The following CCDC7 variants were observed in gnomAD, a reference collection of about 807,000 sequenced individuals.
CCDC7 encodes coiled-coil domain-containing protein 7.
CCDC7 carries 183 observed loss-of-function variants against 196.9 expected under a neutral mutation model. That is an observed-to-expected ratio of 0.93 (90% CI 0.82 to 1.05). CCDC7 has a LOEUF of 1.05. Among genes scored for constraint, CCDC7 ranks in the 50% least tolerant of loss-of-function variants. The pLI, the probability that CCDC7 is intolerant of heterozygous loss-of-function variation, is 0.00. For missense variants in CCDC7, 1,540 were observed against 1,482.2 expected (o/e 1.04, Z -0.64); for synonymous variants, 525 against 484.6 (o/e 1.08, Z -1.10).
In CCDC7 at chr10:32,849,114, G is replaced by T. The variant is rs867532082; in HGVS notation, c.3895+396G>T. On this transcript the variant is annotated intron_variant, in intron 39 of 41. Transcript: ENST00000639629. ...TCTGCAATATGGATTGCTGGGTTTT[G>T]TTTTTTTTTTTTCATTTATACCCAT... Among the ~76,000 whole-genome samples the T allele has an allele frequency of 9.0e-3, 1,144 of 127,792 alleles. 11 individuals carry two copies. The highest frequency in any genetic ancestry group is 0.023 in the African/African-American group (848 of 36,516). 83.8% of individuals were successfully genotyped at this position (127,792 alleles called of 152,430 possible). A position where few individuals can be genotyped will look rare whatever the true frequency, so the allele number is the denominator to read the frequency against.
chr10:32,550,234 G>A (rs2053240929), intron 13 of CCDC7, among the ~76,000 whole-genome samples: 1 of 151,398 alleles, frequency 6.6e-6, no homozygotes, highest in Non-Finnish European at 1.5e-5. Flanking sequence ...GTGTATAGAA[G>A]AGTTACTGAT....
chr10:32,880,175 A>G (rs778386008), downstream of CCDC7, among the ~76,000 whole-genome samples: 10 of 152,168 alleles, frequency 6.6e-5, no homozygotes, highest in African/African-American at 1.2e-4. Context: ...CCAGCAGTGT[A>G]AAAGTGTTCC....
chr10:32,532,881 C>T (rs555554139), intron 11 of CCDC7, among the ~76,000 whole-genome samples: 10 of 151,916 alleles, frequency 6.6e-5, no homozygotes, highest in African/African-American at 1.7e-4. Context: ...TTGGGAGCAG[C>T]GTATCATTGA....
intron 9 of CCDC7, among the ~76,000 whole-genome samples, chr10:32,493,010 A>G (rs938446397): frequency 6.6e-6 from 1 of 152,050 alleles, no homozygotes; most frequent in Non-Finnish European, 1.5e-5. Flanking sequence ...TTATATGTAC[A>G]TACCTTGTGG....
intron 16 of CCDC7, among the ~76,000 whole-genome samples, chr10:32,582,185 A>G (rs1331599851): frequency 7.0e-6 from 1 of 142,080 alleles, no homozygotes; most frequent in East Asian, 2.1e-4. Flanking sequence ...CCCCTTTTTT[A>G]TAACCCAAAC....
At position 32,555,249 on chromosome 10, in the gene CCDC7, ATT is replaced by A. The variant is rs35124238; in HGVS notation, c.1135-10295_1135-10294del. Reference sequence around the variant, plus strand: ...GGATTATATGTTAGTTCTATTTTTAATTTTTTTTTTTTTTTGAGATGGAGTCT... The same window carrying A: ...GGATTATATGTTAGTTCTATTTTTAATTTTTTTTTTTTTGAGATGGAGTCT... On this transcript the variant is annotated intron_variant, in intron 13 of 41. Transcript: ENST00000639629. Among the ~76,000 whole-genome samples, 107 of 142,948 alleles carry A rather than the reference ATT, an allele frequency of 7.5e-4. 2 individuals are homozygous for A. The East Asian group carries it at 0.019, about 25-fold the overall frequency. 93.8% of individuals were successfully genotyped at this position (142,948 alleles called of 152,430 possible). A position where few individuals can be genotyped will look rare whatever the true frequency, so the allele number is the denominator to read the frequency against.
At chr10:32,629,177 C>T (rs1345448981) in intron 18 of CCDC7, among the ~76,000 whole-genome samples, 4 of 152,016 alleles carry the variant, frequency 2.6e-5, no homozygotes, top group East Asian at 1.9e-4. Flanking sequence ...TTAGGTTCTC[C>T]GGTATTTACA....
At chr10:32,661,646 G>A (rs2071473952) in intron 20 of CCDC7, among the ~76,000 whole-genome samples, 1 of 152,098 alleles carries the variant, frequency 6.6e-6, no homozygotes, top group East Asian at 1.9e-4. Context: ...GTTCCCTTTT[G>A]GCCCAGGATG....
chr10:32,512,506 G>T (rs1030418076), intron 9 of CCDC7: 1 of 152,150 alleles, frequency 6.6e-6, no homozygotes, highest in African/African-American at 2.4e-5. Flanking sequence ...GCATAGGCAA[G>T]GCAAAGGCAT....
chr10:32,592,696 C>T (rs961156196), intron 18 of CCDC7, among the ~76,000 whole-genome samples: 1 of 152,144 alleles, frequency 6.6e-6, no homozygotes, highest in African/African-American at 2.4e-5. Context: ...CTATCCCTCC[C>T]TGCTCCCCAC....
chr10:32,610,789 A>G (rs1052963991), intron 18 of CCDC7, among the ~76,000 whole-genome samples: 2 of 152,180 alleles, frequency 1.3e-5, no homozygotes, highest in Non-Finnish European at 1.5e-5. Flanking sequence ...TCCATGGTGT[A>G]TATGTGCCAC....
At chr10:32,661,780 C>T (rs892682397) in intron 20 of CCDC7, among the ~76,000 whole-genome samples, 2 of 152,160 alleles carry the variant, frequency 1.3e-5, no homozygotes, top group East Asian at 1.9e-4. Context: ...TTTATTCATC[C>T]CTCTCTTCTC....
rs934630052 is a variant in CCDC7, at chr10:32,540,052, A to G, written c.994-3248A>G. 5.3e-5 allele frequency among the ~76,000 whole-genome samples: 8 copies of G among 150,230 alleles called. No individual in the cohort carries two copies. The South Asian group carries it at 1.5e-3, about 28-fold the overall frequency. On this transcript the variant is annotated intron_variant, in intron 11 of 41. Transcript: ENST00000639629. Reference sequence around the variant, plus strand: ...AGTCAAGTGTTGAGTTTAGGTGCTGAATATCTTTGTTTATTTTCTGCCTCA... The same window carrying G: ...AGTCAAGTGTTGAGTTTAGGTGCTGGATATCTTTGTTTATTTTCTGCCTCA...
chr10:32,764,333 C>A (rs2077928677), intron 28 of CCDC7, among the ~76,000 whole-genome samples: 1 of 151,390 alleles, frequency 6.6e-6, no homozygotes, highest in South Asian at 2.1e-4. Flanking sequence ...CATAATTTTT[C>A]TAATTTATTT....
At chr10:32,778,771 T>C (rs944434168) in intron 28 of CCDC7, among the ~76,000 whole-genome samples, 1 of 152,238 alleles carries the variant, frequency 6.6e-6, no homozygotes, top group African/African-American at 2.4e-5. Context: ...CTTTGGGCAG[T>C]ATGGCCATTT....
intron 16 of CCDC7, among the ~76,000 whole-genome samples, chr10:32,573,253 G>A (rs764033433): frequency 1.7e-4 from 26 of 152,188 alleles, no homozygotes; most frequent in Non-Finnish European, 3.1e-4. Context: ...TCATGGTGAC[G>A]TATAGCCTTT....
chr10:32,845,788 C>CAG (rs1565689393), intron 35 of CCDC7, 88 bp from the exon 37 acceptor site: 1 of 1,123,506 alleles, frequency 8.9e-7, no homozygotes, highest in Admixed American at 1.8e-5. Flanking sequence ...CACACACACA[C>CAG]ACACACATAC....
chr10:32,543,347 G>A (rs1476703571), exon 12 of CCDC7: 3 of 1,452,670 alleles, frequency 2.1e-6, no homozygotes, highest in Middle Eastern at 1.8e-4. Flanking sequence ...TGAAAACAGT[G>A]AAGAAAAAAG....
At chr10:32,717,542 GGAGA>G (rs1400450019) in intron 25 of CCDC7, among the ~76,000 whole-genome samples, 4 of 152,010 alleles carry the variant, frequency 2.6e-5, no homozygotes, top group African/African-American at 9.7e-5. Flanking sequence ...CAGAACTGAA[GGAGA>G]GAGAGACACG....
Sources: allele counts gnomAD v4.1 joint callset (sites outside exome capture counted in the v4.1 genomes callset), GRCh38; gene constraint gnomAD v4.1.1; transcripts MANE v1.5; gene names NCBI Gene and HGNC (gene_info 2026-07-23, HGNC 2026-07-21).